The following GATAD1 variants were observed in gnomAD, a reference collection of about 807,000 sequenced individuals.
GATAD1 encodes the protein GATA zinc finger domain containing 1, also known as GATA zinc finger domain-containing protein 1.
A neutral mutation model predicts 26.5 loss-of-function variants in GATAD1; 12 were observed. That is an observed-to-expected ratio of 0.45 (90% CI 0.29 to 0.73). The LOEUF (loss-of-function observed/expected upper bound fraction) is 0.73, where lower values mean the gene tolerates loss of function less well. Among genes scored for constraint, GATAD1 ranks in the 30% least tolerant of loss-of-function variants. The pLI is 0.10. For missense variants in GATAD1, 266 were observed against 342.1 expected (o/e 0.78, Z 1.75); for synonymous variants, 129 against 133.1 (o/e 0.97, Z 0.21).
the GATAD1 span, among the ~76,000 whole-genome samples, chr7:92,473,982 C>T: frequency 6.6e-6 from 1 of 152,046 alleles, no homozygotes; most frequent in African/African-American, 2.4e-5. Context: ...AAATAAGGGG[C>T]ATGGACGAGG....
chr7:92,449,991 AAACAT>A (rs1328939947), intron 2 of GATAD1: 2 of 152,222 alleles, frequency 1.3e-5, no homozygotes, highest in African/African-American at 4.8e-5. Context: ...TGATTACACA[AAACAT>A]GTTATTGATA....
intron 3 of GATAD1, among the ~76,000 whole-genome samples, chr7:92,451,773 G>A (rs1395980802): frequency 1.3e-5 from 2 of 152,184 alleles, no homozygotes; most frequent in Non-Finnish European, 2.9e-5. Context: ...CATTTTGCAT[G>A]CTTTATTTCA....
downstream of GATAD1, among the ~76,000 whole-genome samples, chr7:92,461,825 G>A (rs1789931779): frequency 6.6e-6 from 1 of 152,130 alleles, no homozygotes; most frequent in Non-Finnish European, 1.5e-5. Context: ...CAAGATGGAA[G>A]CCACCATCTT....
At chr7:92,491,041 G>T in the GATAD1 span, among the ~76,000 whole-genome samples, 1 of 152,142 alleles carries the variant, frequency 6.6e-6, no homozygotes, top group African/African-American at 2.4e-5. Context: ...AGAAACCAAA[G>T]GTAATCACAA....
chr7:92,468,594 T>A, the GATAD1 span: 1 of 520,266 alleles, frequency 1.9e-6, no homozygotes, highest in Admixed American at 3.6e-5. Context: ...CTCTGATTGG[T>A]CAGGTGTGAG....
chr7:92,491,368 G>A, the GATAD1 span: 10 of 1,613,540 alleles, frequency 6.2e-6, no homozygotes, highest in South Asian at 2.2e-5. Flanking sequence ...GAAGGATCTC[G>A]GACATCTCTA....
At chr7:92,483,036 C>T in the GATAD1 span, among the ~76,000 whole-genome samples, 5 of 152,104 alleles carry the variant, frequency 3.3e-5, no homozygotes, top group African/African-American at 9.7e-5. Context: ...CTGAAGTGAT[C>T]GGGCAGTGTC....
chr7:92,460,639 T>C (rs898502383), downstream of GATAD1, among the ~76,000 whole-genome samples: 1 of 151,968 alleles, frequency 6.6e-6, no homozygotes, highest in African/African-American at 2.4e-5. Flanking sequence ...TTATAAAAGA[T>C]GGAAGGAGCC....
intron 4 of GATAD1, among the ~76,000 whole-genome samples, chr7:92,455,534 A>G (rs1251011050): frequency 6.6e-6 from 1 of 152,226 alleles, no homozygotes; most frequent in Non-Finnish European, 1.5e-5. Flanking sequence ...CAAAGCTGCC[A>G]AAACAGTTGT....
rs1789695409 is a variant in GATAD1, at chr7:92,456,860, G to C, written c.*298G>C. On this transcript the variant is annotated 3_prime_UTR_variant, in exon 5 of 5. Transcript: ENST00000287957. Reference sequence around the variant, plus strand: ...TAGAAAATTAAAAGGGATAGGGCCAGGCACAGTGGCTTATGCCTGTAATTG... The same window carrying C: ...TAGAAAATTAAAAGGGATAGGGCCACGCACAGTGGCTTATGCCTGTAATTG... 1 of 254,362 alleles carries C rather than the reference G, an allele frequency of 3.9e-6. No individual in the cohort carries two copies. 15.8% of individuals were successfully genotyped at this position (254,362 alleles called of 1,614,324 possible).
the GATAD1 span, among the ~76,000 whole-genome samples, chr7:92,473,933 T>C: frequency 1.5e-3 from 229 of 152,208 alleles, 1 homozygote; most frequent in African/African-American, 5.1e-3. Context: ...CAGAGGACCT[T>C]TGTCCCCTGG....
At chr7:92,492,942 A>G in the GATAD1 span, 3 of 1,605,620 alleles carry the variant, frequency 1.9e-6, no homozygotes, top group Non-Finnish European at 2.6e-6. Flanking sequence ...CAACTTCCTC[A>G]TATAACTTGC....
chr7:92,486,269 G>A, the GATAD1 span, among the ~76,000 whole-genome samples: 1 of 152,206 alleles, frequency 6.6e-6, no homozygotes. Context: ...AGAGCAGGCA[G>A]CAATTTGTCC....
rs1187180311 is a variant in GATAD1, at chr7:92,450,685, TTTTGTA to T, written c.376-12_376-7del. The T allele has an allele frequency of 6.3e-7, 1 of 1,580,126 alleles. No homozygotes were observed. Among genetic ancestry groups the T allele is most frequent in the East Asian group, 2.2e-5 (1 of 44,670 alleles). Reference sequence around the variant, plus strand: ...TACATACTATGAATGTGCTAATGTTTTTTGTATTTTCATAGCCCATCAAAGCTCCTG... The same window carrying T: ...TACATACTATGAATGTGCTAATGTTTTTTTCATAGCCCATCAAAGCTCCTG... On this transcript the variant is annotated splice_polypyrimidine_tract_variant and intron_variant, in intron 2 of 4. Coordinates refer to ENST00000287957, the MANE Select transcript of GATAD1 (RefSeq NM_021167.5).
chr7:92,494,208 A>G, the GATAD1 span: 1 of 979,894 alleles, frequency 1.0e-6, no homozygotes. Context: ...TCTAAGGACA[A>G]TTGCCATTAC....
At chr7:92,487,197 G>T in the GATAD1 span, 8 of 241,734 alleles carry the variant, frequency 3.3e-5, no homozygotes, top group Non-Finnish European at 5.5e-5. Flanking sequence ...CCACCATTTG[G>T]CTAATATTAT....
At chr7:92,491,264 C>G in the GATAD1 span, 2 of 1,560,658 alleles carry the variant, frequency 1.3e-6, no homozygotes, top group Non-Finnish European at 1.8e-6. Flanking sequence ...GATGACTGCA[C>G]AAGATACCAA....
In GATAD1 at chr7:92,454,170, G is replaced by A; in HGVS notation, c.436-332G>A. On this transcript the variant is annotated intron_variant, in intron 3 of 4. Transcript: ENST00000287957. ...AATCTCTCTACTTCTGCTCAATTTT[G>A]CTGTAAACCTAAAACCTCTGTAAAA... 3 of 265,860 alleles carry A rather than the reference G, an allele frequency of 1.1e-5. No homozygotes were observed. In the South Asian group the frequency reaches 1.2e-4, roughly 11 times the overall value. The allele number at this position is 265,860 out of a possible 1,614,324, so 16.5% of individuals were successfully genotyped here.
At chr7:92,450,512 C>T in intron 2 of GATAD1, 189 bp from the exon 3 acceptor site, 1 of 544,704 alleles carries the variant, frequency 1.8e-6, no homozygotes, top group Middle Eastern at 4.7e-4. Flanking sequence ...CTAATAGTAG[C>T]AGAAATTGCA....
Sources: allele counts gnomAD v4.1 joint callset (sites outside exome capture counted in the v4.1 genomes callset), GRCh38; gene constraint gnomAD v4.1.1; transcripts MANE v1.5; gene names NCBI Gene and HGNC (gene_info 2026-07-23, HGNC 2026-07-21).